Variants in STK3 observed in about 807,000 individuals in gnomAD.
STK3 encodes serine/threonine kinase 3, also known as serine/threonine-protein kinase 3.
Under a neutral mutation model 58.0 loss-of-function variants are expected in STK3, and 41 were observed. The ratio of observed to expected loss-of-function variants is 0.71; its 90% CI spans 0.55 to 0.92. The LOEUF is 0.92. Among genes scored for constraint, STK3 ranks in the 40% least tolerant of loss-of-function variants. STK3 has a pLI of 0.00. For missense variants in STK3, 479 were observed against 602.7 expected, an observed-to-expected ratio of 0.79 and a Z score of 2.15; for synonymous variants, 170 against 191.0, an observed-to-expected ratio of 0.89 and a Z score of 0.91.
chr8:98,659,388 T>A (rs1421332583), intron 6 of STK3, among the ~76,000 whole-genome samples: 1 of 152,054 alleles, frequency 6.6e-6, no homozygotes, highest in African/African-American at 2.4e-5. Context: ...ACAAGTCCTC[T>A]ACAGTTTACT....
intron 7 of STK3, chr8:98,595,513 T>C (rs1427698289): frequency 1.3e-5 from 2 of 152,128 alleles, no homozygotes; most frequent in Non-Finnish European, 2.9e-5. Flanking sequence ...CACAAACACC[T>C]ATTATAAATA....
At chr8:98,723,652 A>G (rs1827599983) in intron 4 of STK3, among the ~76,000 whole-genome samples, 1 of 152,200 alleles carries the variant, frequency 6.6e-6, no homozygotes, top group Non-Finnish European at 1.5e-5. Context: ...TTACTTATGC[A>G]TATAAAATGA....
In STK3 at chr8:98,912,557, C is replaced by T. The variant is rs560068127; in HGVS notation, c.-78-28723G>A. ...ACAGGCTCTCTTCATAGGGATGGAA[C>T]GTGCCCCACTAACAACACTATGCAG... On this transcript the variant is annotated intron_variant, in intron 1 of 1. Transcript: ENST00000519420. Among the ~76,000 whole-genome samples, 22 of 152,236 alleles carry T rather than the reference C, an allele frequency of 1.4e-4. No individual in the cohort carries two copies. The East Asian group carries it at 3.3e-3, about 23-fold the overall frequency.
At chr8:98,671,088 A>G (rs577553029) in intron 6 of STK3, among the ~76,000 whole-genome samples, 7 of 152,368 alleles carry the variant, frequency 4.6e-5, no homozygotes, top group African/African-American at 1.7e-4. Context: ...AAAAGTCAAT[A>G]TAAGTAACAT....
the STK3 span, among the ~76,000 whole-genome samples, chr8:98,346,988 T>A: frequency 6.6e-6 from 1 of 151,762 alleles, no homozygotes; most frequent in Admixed American, 6.6e-5. Context: ...TATTGTAGGG[T>A]TTACAATATA....
intron 10 of STK3, among the ~76,000 whole-genome samples, chr8:98,512,664 A>C (rs1824608173): frequency 6.6e-6 from 1 of 152,192 alleles, no homozygotes; most frequent in Non-Finnish European, 1.5e-5. Flanking sequence ...AGTCTGGTCC[A>C]TGTGATTACA....
chr8:98,541,192 C>G (rs1218236637), intron 9 of STK3, among the ~76,000 whole-genome samples: 1 of 152,126 alleles, frequency 6.6e-6, no homozygotes, highest in Non-Finnish European at 1.5e-5. Flanking sequence ...TGGCTTGGCT[C>G]TATGCCCCCA....
chr8:98,814,341 G>T (rs937905424), intron 1 of STK3, among the ~76,000 whole-genome samples: 1 of 145,732 alleles, frequency 6.9e-6, no homozygotes, highest in Non-Finnish European at 1.5e-5. Flanking sequence ...GTGAGCCACC[G>T]CGCCCAGCAT....
At chr8:98,583,158 T>G (rs1383826249) in intron 7 of STK3, among the ~76,000 whole-genome samples, 1 of 152,156 alleles carries the variant, frequency 6.6e-6, no homozygotes, top group Non-Finnish European at 1.5e-5. Context: ...AACATTTTTA[T>G]TAGGTTAATT....
chr8:98,612,240 T>C (rs892519841), intron 6 of STK3, among the ~76,000 whole-genome samples: 7 of 150,574 alleles, frequency 4.6e-5, no homozygotes, highest in Non-Finnish European at 8.9e-5. Context: ...CCAAAAACCA[T>C]GGACATTATG....
chr8:98,378,083 C>G (rs534692223), intron 2 of STK3, among the ~76,000 whole-genome samples: 12 of 152,172 alleles, frequency 7.9e-5, no homozygotes, highest in Non-Finnish European at 1.3e-4. Flanking sequence ...AGAAGCAAGA[C>G]AGCTTCAGAG....
intron 10 of STK3, among the ~76,000 whole-genome samples, chr8:98,504,212 C>T (rs545763376): frequency 1.3e-4 from 20 of 151,926 alleles, no homozygotes; most frequent in Non-Finnish European, 2.1e-4. Context: ...GGATTGCAAC[C>T]CCTGCTTTTT....
chr8:98,593,283 T>C (rs574166984), intron 7 of STK3, among the ~76,000 whole-genome samples: 13 of 152,372 alleles, frequency 8.5e-5, no homozygotes, highest in African/African-American at 2.9e-4. Flanking sequence ...ATCTGTGTCA[T>C]AGAAAATCAA....
At chr8:98,633,603 C>G in intron 6 of STK3, 1 of 744,804 alleles carries the variant, frequency 1.3e-6, no homozygotes, top group Admixed American at 1.8e-5. Flanking sequence ...AGTCTCAGTC[C>G]ATTTGCGGAG....
intron 6 of STK3, among the ~76,000 whole-genome samples, chr8:98,655,065 C>A (rs976118531): frequency 5.9e-5 from 9 of 151,756 alleles, no homozygotes; most frequent in Non-Finnish European, 1.3e-4. Context: ...GGAGGCATCA[C>A]ACTACCTGAC....
chr8:98,769,336 G>A (rs1483261072), intron 2 of STK3, among the ~76,000 whole-genome samples: 3 of 152,100 alleles, frequency 2.0e-5, no homozygotes, highest in African/African-American at 7.2e-5. Context: ...AATCATGGGG[G>A]CAGGTCTTTC....
At position 98,667,090 on chromosome 8, in the gene STK3, A is replaced by AT. The variant is rs751608399; in HGVS notation, c.684+39376dup. On this transcript the variant is annotated intron_variant, in intron 6 of 10. Coordinates refer to ENST00000419617, the MANE Select transcript of STK3 (RefSeq NM_006281.4). ...ATTGTTGCTGTCAATTACTTTTCTA[A>AT]TTTCTAATTATAATTCTAATAAAAA... Among the ~76,000 whole-genome samples, 4 of 152,140 alleles carry AT rather than the reference A, an allele frequency of 2.6e-5. No individual in the cohort carries two copies. The South Asian group carries it at 8.3e-4, about 31-fold the overall frequency.
chr8:98,862,239 C>T (rs771054028), intron 3 of STK3, among the ~76,000 whole-genome samples: 1 of 152,192 alleles, frequency 6.6e-6, no homozygotes, highest in Non-Finnish European at 1.5e-5. Flanking sequence ...AACTCTGGAA[C>T]TTCTGGAGTA....
chr8:98,370,299 T>C (rs898580779), downstream of STK3, among the ~76,000 whole-genome samples: 1 of 150,818 alleles, frequency 6.6e-6, no homozygotes, highest in Non-Finnish European at 1.5e-5. Context: ...TAGAGAGGCC[T>C]GTTAAAAATA....
Sources: allele counts gnomAD v4.1 joint callset (sites outside exome capture counted in the v4.1 genomes callset), GRCh38; gene constraint gnomAD v4.1.1; transcripts MANE v1.5; gene names NCBI Gene and HGNC (gene_info 2026-07-23, HGNC 2026-07-21).